APOD: variants seen among roughly 807,000 people sequenced by gnomAD.
APOD encodes apolipoprotein D, also known as apo-D.
Under a neutral mutation model 20.4 loss-of-function variants are expected in APOD, and 22 were observed. That is an observed-to-expected ratio of 1.08 (90% CI 0.77 to 1.54). APOD has a LOEUF of 1.54. Ranked by LOEUF, APOD falls within the 40% of genes most tolerant of loss-of-function variation. The pLI, the probability that APOD is intolerant of heterozygous loss-of-function variation, is 0.00. For synonymous variants in APOD, 97 were observed against 92.4 expected, an observed-to-expected ratio of 1.05 and a Z score of -0.29; for missense variants, 223 against 229.6, an observed-to-expected ratio of 0.97 and a Z score of 0.19.
intron 2 of APOD, among the ~76,000 whole-genome samples, chr3:195,574,989 C>T (rs1720226058): frequency 6.6e-6 from 1 of 152,228 alleles, no homozygotes; most frequent in Non-Finnish European, 1.5e-5. Flanking sequence ...AAGCTTCAAA[C>T]AGCACAGATT....
chr3:195,573,683 A>G (rs1420712355), intron 3 of APOD, among the ~76,000 whole-genome samples, 167 bp downstream of exon 3: 5 of 152,194 alleles, frequency 3.3e-5, no homozygotes, highest in African/African-American at 1.2e-4. Flanking sequence ...AGTGGATCCT[A>G]GTCCTTGCCA....
rs2108966764 is a variant in APOD, at chr3:195,568,838, G to GGGTT, written c.*61_*62insAACC. 2 of 1,118,388 alleles carry GGGTT rather than the reference G, an allele frequency of 1.8e-6. No homozygotes were observed. The highest frequency in any genetic ancestry group is 2.5e-6 in the Non-Finnish European group (2 of 798,828). The allele number at this position is 1,118,388 out of a possible 1,614,324, so 69.3% of individuals were successfully genotyped here. ...TTGATTGGTTTGTCTTTATGGGGGG[G>GGGTT]GGGTAGGGGAAAGCGAAGCAGAAGT... On this transcript the variant is annotated 3_prime_UTR_variant, in exon 5 of 5. Transcript: ENST00000343267.
intron 3 of APOD, 56 bp downstream of exon 3, chr3:195,573,789 CACCCA>C: frequency 2.5e-6 from 4 of 1,582,220 alleles, no homozygotes; most frequent in Non-Finnish European, 3.4e-6. Context: ...GGCTGCCGGA[CACCCA>C]GTCACTCTGC....
chr3:195,579,535 C>A lies in APOD; in HGVS notation c.-34-40G>T, dbSNP rs1720300873. 5 of 1,580,504 alleles carry A rather than the reference C, an allele frequency of 3.2e-6. No homozygotes were observed. In the South Asian group the frequency reaches 4.5e-5, roughly 14 times the overall value. ...AGCAGCTGGGGTTGTCATTCTGAGC[C>A]TTCTAAGGCCACACAATCATGAAGT... is the stretch of plus-strand genomic sequence containing the variant. On this transcript the variant is annotated intron_variant, in intron 1 of 4. Transcript: ENST00000343267.
chr3:195,572,253 A>C (rs1044476896), intron 3 of APOD, among the ~76,000 whole-genome samples: 1 of 152,232 alleles, frequency 6.6e-6, no homozygotes, highest in Non-Finnish European at 1.5e-5. Context: ...GACTCCCTCT[A>C]GTTCAGCAAG....
At chr3:195,578,745 T>A (rs1471555741) in intron 2 of APOD, among the ~76,000 whole-genome samples, 1 of 152,194 alleles carries the variant, frequency 6.6e-6, no homozygotes. Flanking sequence ...TGGTTTTGAA[T>A]CCTACTTGCA....
chr3:195,580,673 G>A (rs959230807), intron 1 of APOD, among the ~76,000 whole-genome samples: 1 of 152,180 alleles, frequency 6.6e-6, no homozygotes, highest in African/African-American at 2.4e-5. Context: ...CCAAAGTGCT[G>A]GGATTACAGG....
At position 195,568,853 on chromosome 3, in the gene APOD, G is replaced by A. The variant is rs202214202; in HGVS notation, c.*47C>T. 136 of 1,366,912 alleles carry A rather than the reference G, an allele frequency of 9.9e-5. No individual in the cohort carries two copies. The East Asian group carries it at 2.4e-3, about 24-fold the overall frequency. The allele number at this position is 1,366,912 out of a possible 1,614,324, so 84.7% of individuals were successfully genotyped here. A position where few individuals can be genotyped will look rare whatever the true frequency, so the allele number is the denominator to read the frequency against. On this transcript the variant is annotated 3_prime_UTR_variant, in exon 5 of 5. Coordinates refer to ENST00000343267, the MANE Select transcript of APOD (RefSeq NM_001647.4). ...TTATGGGGGGGGGGTAGGGGAAAGC[G>A]AAGCAGAAGTAACATGGAGTGGGTG...
chr3:195,573,090 A>C (rs951745989), intron 3 of APOD, among the ~76,000 whole-genome samples: 1 of 152,194 alleles, frequency 6.6e-6, no homozygotes, highest in Non-Finnish European at 1.5e-5. Context: ...TTAACTTAGC[A>C]ACAAACCAGT....
chr3:195,577,537 G>A (rs1720267370), intron 2 of APOD, among the ~76,000 whole-genome samples: 1 of 152,150 alleles, frequency 6.6e-6, no homozygotes. Flanking sequence ...AACAAAGTTG[G>A]AGGACACATG....
chr3:195,571,103 G>A lies in APOD; in HGVS notation c.334+174C>T, dbSNP rs768971655. ...ATAAGTACCAAGGCCAGCTCTGTCC[G>A]GCTCATCATGGCAACCCTAGTGCGT... On this transcript the variant is annotated intron_variant, in intron 4 of 4. Coordinates refer to ENST00000343267, the MANE Select transcript of APOD (RefSeq NM_001647.4). 4.9e-4 allele frequency: 324 copies of A among 658,318 alleles called. 1 individual carries two copies. The highest frequency in any genetic ancestry group is 3.3e-3 in the South Asian group (189 of 57,902). The allele number at this position is 658,318 out of a possible 1,614,324, so 40.8% of individuals were successfully genotyped here. A position where few individuals can be genotyped will look rare whatever the true frequency, so the allele number is the denominator to read the frequency against.
At chr3:195,573,291 A>T (rs1006245428) in intron 3 of APOD, among the ~76,000 whole-genome samples, 2 of 152,172 alleles carry the variant, frequency 1.3e-5, no homozygotes, top group Non-Finnish European at 2.9e-5. Context: ...TTGCTTTCCA[A>T]AGCGTAGCTT....
intron 2 of APOD, among the ~76,000 whole-genome samples, chr3:195,576,468 A>G (rs1478115031): frequency 6.6e-6 from 1 of 152,226 alleles, no homozygotes; most frequent in Non-Finnish European, 1.5e-5. Flanking sequence ...TATTGGATCT[A>G]ATGAGTTAAG....
At chr3:195,580,639 A>T (rs1720322673) in intron 1 of APOD, among the ~76,000 whole-genome samples, 1 of 152,194 alleles carries the variant, frequency 6.6e-6, no homozygotes, top group African/African-American at 2.4e-5. Flanking sequence ...TCCTGACCTC[A>T]GGGGATCCAC....
At chr3:195,574,235 T>C (rs1407495483) in intron 2 of APOD, among the ~76,000 whole-genome samples, 1 of 151,960 alleles carries the variant, frequency 6.6e-6, no homozygotes, top group African/African-American at 2.4e-5. Context: ...CTAGACTCTG[T>C]AAAAAAAGGG....
chr3:195,580,368 C>CTTTTTTTTTTTTT (rs201305902), intron 1 of APOD, among the ~76,000 whole-genome samples: 3 of 140,642 alleles, frequency 2.1e-5, no homozygotes, highest in Admixed American at 7.0e-5. Context: ...TTTCTTTCTT[C>CTTTTTTTTTTTTT]TTTTTTTTTT....
At chr3:195,580,075 C>T (rs919352062) in intron 1 of APOD, among the ~76,000 whole-genome samples, 2 of 152,160 alleles carry the variant, frequency 1.3e-5, no homozygotes, top group African/African-American at 4.8e-5. Context: ...GAGCGGCCTG[C>T]TGGGGGCTCC....
Position 195,568,888 on chromosome 3 carries a change from T to C in APOD, c.*12A>G. The C allele has an allele frequency of 3.1e-6, 5 of 1,602,592 alleles. No individual in the cohort carries two copies. Among genetic ancestry groups the C allele is most frequent in the Non-Finnish European group, 3.4e-6 (4 of 1,169,780 alleles). The stretch of plus-strand genomic sequence containing the variant: ...TAACATGGAGTGGGTGCAGCCTCCC[T>C]GTAGAACCTGGTTACGAGAGCTTGG... On this transcript the variant is annotated 3_prime_UTR_variant, in exon 5 of 5. Transcript: ENST00000343267.
rs944489999 is a variant in APOD, at chr3:195,579,411, C to T, written c.51G>A (p.Ala17=). The T allele has an allele frequency of 3.7e-6, 6 of 1,614,026 alleles. No individual in the cohort carries two copies. Among genetic ancestry groups the T allele is most frequent in the Admixed American group, 3.3e-5 (2 of 60,008 alleles). The change falls in exon 2 of 5, where the codon GCG becomes GCA. Residue 17 remains alanine, a synonymous_variant. Coordinates refer to ENST00000343267, the MANE Select transcript of APOD (RefSeq NM_001647.4). ...LLSALAGLFG[A]AEGQAFHLGK... is the part of the protein sequence containing the mutation. ...CAAGATGAAATGCTTGTCCCTCTGC[C>T]GCACCGAAGAGGCCAGCCAGTGCGG...
Sources: allele counts gnomAD v4.1 joint callset (sites outside exome capture counted in the v4.1 genomes callset), GRCh38; gene constraint gnomAD v4.1.1; transcripts MANE v1.5; gene names NCBI Gene and HGNC (gene_info 2026-07-23, HGNC 2026-07-21).